Variants in MAOB observed in about 807,000 individuals in gnomAD.
The protein encoded by MAOB is amine oxidase [flavin-containing] B.
A neutral mutation model predicts 41.9 loss-of-function variants in MAOB; 15 were observed. That is an observed-to-expected ratio of 0.36 (90% CI 0.24 to 0.55). The LOEUF (loss-of-function observed/expected upper bound fraction) is 0.55. MAOB is among the 20% of genes least tolerant of loss of function. MAOB has a pLI of 0.86. For missense variants in MAOB, 345 were observed against 398.7 expected (o/e 0.87, Z 1.15); for synonymous variants, 167 against 144.2 (o/e 1.16, Z -1.13).
Position 43,804,455 on chromosome X carries a change from AAGAG to A in MAOB, c.280-1055_280-1052del, listed in dbSNP as rs367565430. Reference sequence around the variant, plus strand: ...TTAGAGAAACAGAACCAACAGGAGAAAGAGAGAGAGAGAGAGAGAGAGATACATA... The same window carrying A: ...TTAGAGAAACAGAACCAACAGGAGAAAGAGAGAGAGAGAGAGAGATACATA... On this transcript the variant is annotated intron_variant, in intron 3 of 14. Transcript: ENST00000378069. Among the ~76,000 whole-genome samples, 77 of 107,384 alleles carry A rather than the reference AAGAG, an allele frequency of 7.2e-4. 1 individual carries two copies. Among genetic ancestry groups the A allele is most frequent in the African/African-American group, 1.1e-3 (33 of 29,627 alleles). 93.3% of individuals were successfully genotyped at this position (107,384 alleles called of 115,157 possible).
chrX:43,795,700 G>T, intron 7 of MAOB, 39 bp downstream of exon 7: 1 of 1,096,520 alleles, frequency 9.1e-7, no homozygotes, highest in Non-Finnish European at 1.2e-6. Context: ...AGGAAACTGG[G>T]ATGAAGATCA....
rs7053203 is a variant in MAOB at position 43,811,989 on chromosome X, A to C, written c.280-8585T>G. Among the ~76,000 whole-genome samples, 584 of 111,267 alleles carry C rather than the reference A, an allele frequency of 5.2e-3. 4 individuals carry two copies. Among genetic ancestry groups the C allele is most frequent in the African/African-American group, 0.017 (535 of 30,591 alleles). Reference sequence around the variant, plus strand: ...AACCATCCTTATCTTCCTCCCACCAACATTCTACTATCCTTCCCAGCCTCT... The same window carrying C: ...AACCATCCTTATCTTCCTCCCACCACCATTCTACTATCCTTCCCAGCCTCT... On this transcript the variant is annotated intron_variant, in intron 3 of 14. Transcript: ENST00000378069.
At chrX:43,788,165 G>A (rs1569212922) in intron 8 of MAOB, among the ~76,000 whole-genome samples, 2 of 110,985 alleles carry the variant, frequency 1.8e-5, no homozygotes, top group Admixed American at 9.6e-5. Flanking sequence ...TTGGTGAGAC[G>A]GGAGGCAAGA....
At chrX:43,788,003 TG>T (rs2034421235) in intron 8 of MAOB, among the ~76,000 whole-genome samples, 1 of 111,577 alleles carries the variant, frequency 9.0e-6, no homozygotes, top group African/African-American at 3.3e-5. Flanking sequence ...TACCTGAGGC[TG>T]GGTAATATAT....
chrX:43,868,498 C>T (rs888226028), intron 1 of MAOB, among the ~76,000 whole-genome samples: 2 of 111,600 alleles, frequency 1.8e-5, no homozygotes, highest in Admixed American at 9.5e-5. Flanking sequence ...AAGCAGGACA[C>T]GGGTGGTATA....
In MAOB at chrX:43,882,269, C is replaced by G; in HGVS notation, c.31G>C (p.Gly11Arg). The change falls in exon 1 of 15, where the codon GGG becomes CGG. Residue 11 changes from glycine (G) to arginine (R), a missense_variant. Gly to Arg is a moderately radical substitution (Grantham distance 125, BLOSUM62 -2). Transcript: ENST00000378069. MSNKCDVVVV[G>R]GGISGMAAAK... Reference sequence around the variant, plus strand: ...CGCGACTAACCTGAGATGCCGCCCCCCACCACGACCACGTCGCATTTGTTG... The same window carrying G: ...CGCGACTAACCTGAGATGCCGCCCCGCACCACGACCACGTCGCATTTGTTG... 8.3e-7 allele frequency: 1 copy of G among 1,209,581 alleles called. No individual in the cohort carries two copies. Among genetic ancestry groups the G allele is most frequent in the Non-Finnish European group, 1.1e-6 (1 of 894,565 alleles).
chrX:43,793,316 C>A, intron 8 of MAOB, 103 bp downstream of exon 8: 1 of 581,408 alleles, frequency 1.7e-6, no homozygotes, highest in South Asian at 3.4e-5. Flanking sequence ...GCACATGTAC[C>A]CCTGAATCTA....
At chrX:43,873,407 A>C (rs184679781) in intron 1 of MAOB, among the ~76,000 whole-genome samples, 47 of 110,901 alleles carry the variant, frequency 4.2e-4, no homozygotes, top group African/African-American at 1.5e-3. Flanking sequence ...CTAGTAGGAC[A>C]TTTTCATCAT....
chrX:43,848,854 C>T (rs1243766678), intron 1 of MAOB, among the ~76,000 whole-genome samples: 1 of 111,754 alleles, frequency 8.9e-6, no homozygotes, highest in African/African-American at 3.3e-5. Context: ...TGCAAACATC[C>T]CTCATCACCT....
In MAOB at chrX:43,776,186, G is replaced by A. The variant is rs1426707252; in HGVS notation, c.1138-914C>T. 3.6e-5 allele frequency among the ~76,000 whole-genome samples: 4 copies of A among 111,945 alleles called. No individual in the cohort carries two copies. In the East Asian group the frequency reaches 1.1e-3, roughly 32 times the overall value. ...TCTCCAGCCAATCAGAAGAAAAGTTGGACTTTATCTTTCAATGTATCTTGT... is the reference window on the plus strand; with the variant it reads ...TCTCCAGCCAATCAGAAGAAAAGTTAGACTTTATCTTTCAATGTATCTTGT... On this transcript the variant is annotated intron_variant, in intron 11 of 14. Coordinates refer to ENST00000378069, the MANE Select transcript of MAOB (RefSeq NM_000898.5).
At chrX:43,822,186 G>T (rs751366318) in intron 3 of MAOB, among the ~76,000 whole-genome samples, 2 of 112,301 alleles carry the variant, frequency 1.8e-5, no homozygotes, top group African/African-American at 3.2e-5. Flanking sequence ...AAATTGTTTG[G>T]GAGAAGTGTT....
At chrX:43,864,572 C>T (rs979428549) in intron 1 of MAOB, among the ~76,000 whole-genome samples, 3 of 111,664 alleles carry the variant, frequency 2.7e-5, no homozygotes, top group African/African-American at 3.3e-5. Context: ...TGGATTTATT[C>T]CTGCCAATAT....
chrX:43,774,208 C>T (rs1208651348), intron 12 of MAOB, among the ~76,000 whole-genome samples: 2 of 111,690 alleles, frequency 1.8e-5, no homozygotes, highest in Non-Finnish European at 3.8e-5. Context: ...TTAGATTAAG[C>T]TTTTGGCATT....
chrX:43,834,475 A>G lies in MAOB; in HGVS notation c.279+4393T>C, dbSNP rs1428740265. ...TATCATTTGCATTTTTTATGTCTCA[A>G]TATTTCTACTCTAATCCTGTTGCTG... On this transcript the variant is annotated intron_variant, in intron 3 of 14. Coordinates refer to ENST00000378069, the MANE Select transcript of MAOB (RefSeq NM_000898.5). Among the ~76,000 whole-genome samples, 9 of 112,276 alleles carry G rather than the reference A, an allele frequency of 8.0e-5. No individual in the cohort carries two copies. The East Asian group carries it at 2.5e-3, about 31-fold the overall frequency.
chrX:43,804,994 G>A (rs771069561), intron 3 of MAOB, among the ~76,000 whole-genome samples: 39 of 111,174 alleles, frequency 3.5e-4, no homozygotes, highest in Non-Finnish European at 6.8e-4. Context: ...TTTAGTTTCC[G>A]TATTTTGTTT....
At chrX:43,834,867 CA>C (rs2035055458) in intron 3 of MAOB, among the ~76,000 whole-genome samples, 1 of 112,715 alleles carries the variant, frequency 8.9e-6, no homozygotes, top group South Asian at 3.7e-4. Context: ...TCAGCTTCTC[CA>C]GATAGCTGAA....
At chrX:43,853,092 C>T (rs1478637673) in intron 1 of MAOB, among the ~76,000 whole-genome samples, 1 of 108,570 alleles carries the variant, frequency 9.2e-6, no homozygotes, top group Non-Finnish European at 1.9e-5. Flanking sequence ...CGATGTGAAA[C>T]CCCATCTCTA....
intron 3 of MAOB, among the ~76,000 whole-genome samples, chrX:43,836,397 T>C (rs761942615): frequency 1.1e-3 from 119 of 112,612 alleles, no homozygotes; most frequent in African/African-American, 3.4e-3. Flanking sequence ...TTATGTATTA[T>C]CATGTAGCTC....
chrX:43,869,373 C>T (rs1035134690), intron 1 of MAOB, among the ~76,000 whole-genome samples: 3 of 111,946 alleles, frequency 2.7e-5, no homozygotes, highest in Admixed American at 9.5e-5. Flanking sequence ...CTATGTCTCC[C>T]AACTGCTTTG....
Sources: gnomAD v4.1 joint callset for allele counts (sites outside exome capture counted in the v4.1 genomes callset) on GRCh38, gnomAD v4.1.1 for gene constraint, MANE v1.5 for transcripts, NCBI Gene and HGNC (gene_info 2026-07-23, HGNC 2026-07-21) for gene names.